Variants in CPNE8 observed in about 807,000 individuals in gnomAD.
CPNE8 encodes the protein copine-8.
A neutral mutation model predicts 81.5 loss-of-function variants in CPNE8; 45 were observed. The ratio of observed to expected loss-of-function variants is 0.55; its 90% confidence interval spans 0.44 to 0.71. The LOEUF (loss-of-function observed/expected upper bound fraction) is 0.71. CPNE8 is among the 30% of genes least tolerant of loss of function. The pLI is 0.00. For synonymous variants in CPNE8, 252 were observed against 226.3 expected, an observed-to-expected ratio of 1.11 and a Z score of -1.02; for missense variants, 594 against 672.1, an observed-to-expected ratio of 0.88 and a Z score of 1.28.
At chr12:38,806,835 C>A (rs1469617440) in intron 6 of CPNE8, among the ~76,000 whole-genome samples, 5 of 146,022 alleles carry the variant, frequency 3.4e-5, no homozygotes, top group East Asian at 2.5e-4. Flanking sequence ...AGATGACATG[C>A]TGGTATATCT....
intron 10 of CPNE8, among the ~76,000 whole-genome samples, chr12:38,737,162 A>G (rs1940975168): frequency 6.6e-6 from 1 of 151,748 alleles, no homozygotes; most frequent in Non-Finnish European, 1.5e-5. Flanking sequence ...TATACGCAAA[A>G]CAAAAAAGCA....
Position 38,820,846 on chromosome 12 carries a change from A to G in CPNE8, c.407+8533T>C, listed in dbSNP as rs145897846. Reference sequence around the variant, plus strand: ...CTCACCAATCTGTATGGCAACCTCAAAAATGGATGATCTTCCTTTTGTTAG... The same window carrying G: ...CTCACCAATCTGTATGGCAACCTCAGAAATGGATGATCTTCCTTTTGTTAG... On this transcript the variant is annotated intron_variant, in intron 6 of 19. Coordinates refer to ENST00000331366, the MANE Select transcript of CPNE8 (RefSeq NM_153634.3). Among the ~76,000 whole-genome samples the G allele has an allele frequency of 2.4e-3, 367 of 152,344 alleles. 2 individuals carry two copies. Among genetic ancestry groups the G allele is most frequent in the African/African-American group, 8.2e-3 (339 of 41,576 alleles).
intron 6 of CPNE8, among the ~76,000 whole-genome samples, chr12:38,797,158 C>A (rs1011154415): frequency 1.3e-5 from 2 of 152,200 alleles, no homozygotes; most frequent in Admixed American, 1.3e-4. Context: ...CCTCTGCAGA[C>A]GTAAATGTCC....
chr12:38,796,413 T>C (rs139797517), intron 6 of CPNE8, among the ~76,000 whole-genome samples: 2,216 of 152,240 alleles, frequency 0.015, 19 homozygotes, highest in South Asian at 0.024. Context: ...GTAAAAATGA[T>C]AAAAGATTGA....
At chr12:38,792,504 A>G (rs892757253) in intron 6 of CPNE8, among the ~76,000 whole-genome samples, 1 of 151,724 alleles carries the variant, frequency 6.6e-6, no homozygotes, top group Non-Finnish European at 1.5e-5. Context: ...TCTTGGAAAT[A>G]CATGAACTAT....
chr12:38,677,700 T>C (rs1227834218), intron 16 of CPNE8, 146 bp from the exon 17 acceptor site: 30 of 606,312 alleles, frequency 4.9e-5, no homozygotes, highest in Non-Finnish European at 1.5e-5. Flanking sequence ...AACTTTCAAA[T>C]ACACAATTAT....
intron 6 of CPNE8, among the ~76,000 whole-genome samples, chr12:38,780,182 C>T (rs1474031050): frequency 2.0e-5 from 3 of 152,084 alleles, no homozygotes; most frequent in African/African-American, 7.2e-5. Flanking sequence ...TGCTCCCCAT[C>T]CTGTCCTCCT....
chr12:38,759,606 T>C (rs774934921), intron 10 of CPNE8, among the ~76,000 whole-genome samples: 2 of 152,196 alleles, frequency 1.3e-5, no homozygotes, highest in Non-Finnish European at 2.9e-5. Context: ...TATAACTCTT[T>C]TTCATAATAA....
chr12:38,830,959 A>C lies in CPNE8; in HGVS notation c.331-1504T>G, dbSNP rs1473834427. 3.3e-5 allele frequency among the ~76,000 whole-genome samples: 5 copies of C among 152,148 alleles called. No individual in the cohort carries two copies. The East Asian group carries it at 9.6e-4, about 29-fold the overall frequency. The stretch of plus-strand genomic sequence containing the variant: ...GACCCAGTCACAAAAAAGCTTACCA[A>C]GCCACAAAAGTAAAAACTATGTTCT... On this transcript the variant is annotated intron_variant, in intron 5 of 19. Transcript: ENST00000331366.
intron 14 of CPNE8, among the ~76,000 whole-genome samples, chr12:38,700,325 G>A (rs766957544): frequency 4.2e-5 from 6 of 142,148 alleles, no homozygotes; most frequent in Admixed American, 7.6e-5. Context: ...TGCAACATCC[G>A]CCTCCCAGGT....
At chr12:38,835,386 C>T (rs1943363055) in intron 5 of CPNE8, among the ~76,000 whole-genome samples, 1 of 152,210 alleles carries the variant, frequency 6.6e-6, no homozygotes, top group Non-Finnish European at 1.5e-5. Context: ...CTCCCAGTGT[C>T]AATGTCTTAC....
intron 10 of CPNE8, among the ~76,000 whole-genome samples, chr12:38,750,774 G>A (rs1360487037): frequency 1.3e-5 from 2 of 152,134 alleles, no homozygotes; most frequent in Admixed American, 6.5e-5. Flanking sequence ...ATGACACTTT[G>A]GACTGTGGAC....
At chr12:38,864,390 G>T (rs2137087437) in intron 3 of CPNE8, among the ~76,000 whole-genome samples, 1 of 151,942 alleles carries the variant, frequency 6.6e-6, no homozygotes, top group East Asian at 1.9e-4. Context: ...TAAAATCTTT[G>T]CCCTGGCTCC....
chr12:38,816,595 A>T (rs898982361), intron 6 of CPNE8, among the ~76,000 whole-genome samples: 1 of 152,238 alleles, frequency 6.6e-6, no homozygotes, highest in South Asian at 2.1e-4. Context: ...CAAAAATAGT[A>T]TGAAAGAAAG....
chr12:38,765,774 A>G (rs1487263118), intron 8 of CPNE8, among the ~76,000 whole-genome samples: 1 of 152,204 alleles, frequency 6.6e-6, no homozygotes, highest in East Asian at 1.9e-4. Flanking sequence ...AACTTTTAAA[A>G]ATAGTTTTTT....
intron 19 of CPNE8, among the ~76,000 whole-genome samples, chr12:38,659,662 G>T (rs913645604): frequency 6.6e-6 from 1 of 152,140 alleles, no homozygotes; most frequent in African/African-American, 2.4e-5. Context: ...GCGCTCCTCA[G>T]CAAATGTAAA....
chr12:38,760,996 T>G, intron 9 of CPNE8, 108 bp from the exon 10 acceptor site: 1 of 802,174 alleles, frequency 1.2e-6, no homozygotes, highest in Non-Finnish European at 2.0e-6. Flanking sequence ...AATGTATGCT[T>G]GCAGATTTTA....
At chr12:38,675,519 C>A (rs886699208) in intron 18 of CPNE8, among the ~76,000 whole-genome samples, 198 bp downstream of exon 18, 1 of 152,096 alleles carries the variant, frequency 6.6e-6, no homozygotes, top group Admixed American at 6.6e-5. Context: ...AAGACAGGAT[C>A]TTTTAATTGG....
At chr12:38,788,435 G>T (rs532930092) in intron 6 of CPNE8, among the ~76,000 whole-genome samples, 1 of 151,682 alleles carries the variant, frequency 6.6e-6, no homozygotes, top group Non-Finnish European at 1.5e-5. Context: ...CCTTTAAAAA[G>T]TGGGTATAAA....
Sources: gnomAD v4.1 joint callset for allele counts (sites outside exome capture counted in the v4.1 genomes callset) on GRCh38, gnomAD v4.1.1 for gene constraint, MANE v1.5 for transcripts, NCBI Gene and HGNC (gene_info 2026-07-23, HGNC 2026-07-21) for gene names.